KTN1: variants seen among roughly 807,000 people sequenced by gnomAD.
KTN1 encodes the protein kinectin.
Under a neutral mutation model 222.5 loss-of-function variants are expected in KTN1, and 130 were observed. The observed-to-expected ratio is 0.58, with a 90% CI of 0.51 to 0.68. The LOEUF is 0.68. Ranked by LOEUF, KTN1 falls within the 30% of genes least tolerant of loss-of-function variation. The probability of loss-of-function intolerance (pLI) is 0.00; values close to 1 mark genes in which losing one functional copy is unlikely to be tolerated. For missense variants in KTN1, 1,508 were observed against 1,500.4 expected, an observed-to-expected ratio of 1.01 and a Z score of -0.08; for synonymous variants, 512 against 496.3, an observed-to-expected ratio of 1.03 and a Z score of -0.42.
chr14:55,629,704 C>T (rs899255439), intron 6 of KTN1, among the ~76,000 whole-genome samples: 4 of 152,148 alleles, frequency 2.6e-5, no homozygotes, highest in Non-Finnish European at 5.9e-5. Flanking sequence ...TCATAATAAA[C>T]TAGAAAGTGC....
intron 18 of KTN1, among the ~76,000 whole-genome samples, chr14:55,643,276 A>C (rs1330732131): frequency 6.6e-6 from 1 of 152,172 alleles, no homozygotes; most frequent in African/African-American, 2.4e-5. Context: ...ACCAATTATA[A>C]GATTTCTCTC....
chr14:55,670,528 T>G (rs555027483), intron 34 of KTN1, among the ~76,000 whole-genome samples: 3 of 152,056 alleles, frequency 2.0e-5, no homozygotes, highest in South Asian at 2.1e-4. Context: ...TAGGTCTGTT[T>G]TTAGTGCTTG....
At chr14:55,628,097 T>C in intron 6 of KTN1, 69 bp downstream of exon 6, 1 of 958,878 alleles carries the variant, frequency 1.0e-6, no homozygotes, top group Non-Finnish European at 1.6e-6. Context: ...TTAGAAATTG[T>C]CCATAATCAG....
At chr14:55,659,835 T>C (rs1271824038) in intron 31 of KTN1, 132 bp downstream of exon 31, 1 of 595,452 alleles carries the variant, frequency 1.7e-6, no homozygotes, top group Non-Finnish European at 3.0e-6. Context: ...ATATCTTGAA[T>C]TGCAGTTTAG....
intron 1 of KTN1, among the ~76,000 whole-genome samples, chr14:55,587,245 C>CG (rs1284747206): frequency 2.6e-5 from 4 of 152,052 alleles, no homozygotes; most frequent in Admixed American, 2.6e-4. Context: ...GCATGGCTAA[C>CG]TGAGTGGTAT....
chr14:55,590,370 C>G (rs1182212810), intron 1 of KTN1, among the ~76,000 whole-genome samples: 1 of 152,096 alleles, frequency 6.6e-6, no homozygotes, highest in Non-Finnish European at 1.5e-5. Context: ...TTTCTCTCAG[C>G]TTTAAATTTT....
At chr14:55,598,560 TTTTACTAATTA>T (rs1288245704) in intron 1 of KTN1, among the ~76,000 whole-genome samples, 1 of 152,152 alleles carries the variant, frequency 6.6e-6, no homozygotes, top group Non-Finnish European at 1.5e-5. Context: ...CTGAATTAAT[TTTTACTAATTA>T]TTTACTAATG....
intron 1 of KTN1, among the ~76,000 whole-genome samples, chr14:55,591,289 C>A (rs2034076869): frequency 6.6e-6 from 1 of 152,106 alleles, no homozygotes; most frequent in Non-Finnish European, 1.5e-5. Flanking sequence ...TAGTCAAGAC[C>A]TAAGTTTTAT....
intron 5 of KTN1, among the ~76,000 whole-genome samples, chr14:55,621,130 C>T (rs185355315): frequency 3.9e-4 from 59 of 152,234 alleles, no homozygotes; most frequent in African/African-American, 1.3e-3. Flanking sequence ...TAGCAAGAGT[C>T]GCCTTTACTC....
chr14:55,648,636 C>T (rs2042628621), intron 20 of KTN1, among the ~76,000 whole-genome samples, 166 bp from the exon 21 acceptor site: 1 of 152,000 alleles, frequency 6.6e-6, no homozygotes, highest in Non-Finnish European at 1.5e-5. Flanking sequence ...ATAGAAGTTA[C>T]AGAATTATAG....
chr14:55,585,539 A>G (rs781164239), intron 1 of KTN1, among the ~76,000 whole-genome samples: 23 of 152,212 alleles, frequency 1.5e-4, no homozygotes, highest in Middle Eastern at 3.4e-3. Flanking sequence ...TATGATTTCT[A>G]GTATTGGTTT....
intron 5 of KTN1, among the ~76,000 whole-genome samples, chr14:55,622,156 T>A (rs1327359583): frequency 6.6e-6 from 1 of 152,118 alleles, no homozygotes; most frequent in Non-Finnish European, 1.5e-5. Flanking sequence ...CAGATTTATA[T>A]TACTTTTAAA....
intron 26 of KTN1, 31 bp from the exon 27 acceptor site, chr14:55,652,986 A>G (rs529691145): frequency 1.6e-5 from 26 of 1,582,048 alleles, no homozygotes; most frequent in South Asian, 7.9e-5. Flanking sequence ...ATACTTGACT[A>G]TCAATTTAAT....
intron 7 of KTN1, 76 bp downstream of exon 7, chr14:55,630,173 G>A: frequency 1.3e-5 from 17 of 1,281,958 alleles, no homozygotes; most frequent in Non-Finnish European, 1.9e-5. Context: ...TGGCTAGTAT[G>A]TACAAGGCCC....
chr14:55,645,716 T>C (rs2141043485), intron 18 of KTN1, among the ~76,000 whole-genome samples: 1 of 152,336 alleles, frequency 6.6e-6, no homozygotes, highest in East Asian at 1.9e-4. Context: ...AGTTTTTTCC[T>C]GTGCCTCCTA....
chr14:55,667,888 A>G (rs993841415), intron 34 of KTN1: 6 of 150,786 alleles, frequency 4.0e-5, no homozygotes, highest in African/African-American at 1.2e-4. Flanking sequence ...TGAGTTTCCT[A>G]AAATAGAGTG....
At position 55,640,227 on chromosome 14, in the gene KTN1, A is replaced by G. The variant is rs2041631362; in HGVS notation, c.1915-147A>G. On this transcript the variant is annotated intron_variant, in intron 14 of 43. Transcript: ENST00000395314. The stretch of plus-strand genomic sequence containing the variant: ...TACAATAATTTGATAGGAATATGCT[A>G]AATAACAGGAATTGGTGGTTTCTCT... 6.0e-6 allele frequency: 4 copies of G among 665,668 alleles called. No homozygotes were observed. The South Asian group carries it at 7.7e-5, about 13-fold the overall frequency. The allele number at this position is 665,668 out of a possible 1,614,324, so 41.2% of individuals were successfully genotyped here.
At chr14:55,608,239 G>A (rs1456254707) in intron 1 of KTN1, among the ~76,000 whole-genome samples, 1 of 151,830 alleles carries the variant, frequency 6.6e-6, no homozygotes, top group Non-Finnish European at 1.5e-5. Context: ...TCCTCCTCAT[G>A]TAATTCTGAT....
At chr14:55,636,909 A>G (rs1339890214) in intron 10 of KTN1, among the ~76,000 whole-genome samples, 2 of 151,684 alleles carry the variant, frequency 1.3e-5, no homozygotes, top group African/African-American at 2.4e-5. Flanking sequence ...CATCCCAGGT[A>G]GTTTACTTAA....
Sources: allele counts gnomAD v4.1 joint callset (sites outside exome capture counted in the v4.1 genomes callset), GRCh38; gene constraint gnomAD v4.1.1; transcripts MANE v1.5; gene names NCBI Gene and HGNC (gene_info 2026-07-23, HGNC 2026-07-21).